Variants in NOX3 observed in about 807,000 individuals in gnomAD.
NOX3 encodes the protein NADPH oxidase 3.
NOX3 carries 74 observed loss-of-function variants against 76.7 expected under a neutral mutation model. The ratio of observed to expected loss-of-function variants is 0.96; its 90% CI spans 0.80 to 1.17. The LOEUF (loss-of-function observed/expected upper bound fraction) is 1.17, where lower values mean the gene tolerates loss of function less well. NOX3 is among the 50% of genes most tolerant of loss of function. The pLI, the probability that NOX3 is intolerant of heterozygous loss-of-function variation, is 0.00. For synonymous variants in NOX3, 263 were observed against 261.1 expected (o/e 1.01, Z -0.07); for missense variants, 695 against 703.3 (o/e 0.99, Z 0.13).
At chr6:155,421,461 G>T (rs1047259624) in intron 10 of NOX3, among the ~76,000 whole-genome samples, 1 of 152,196 alleles carries the variant, frequency 6.6e-6, no homozygotes, top group African/African-American at 2.4e-5. Context: ...TGCCTGGGAT[G>T]CTTCACAGAA....
intron 10 of NOX3, among the ~76,000 whole-genome samples, chr6:155,416,891 C>T (rs962801382): frequency 6.6e-5 from 10 of 151,892 alleles, no homozygotes; most frequent in African/African-American, 2.2e-4. Context: ...GCTGGGATTA[C>T]AGGCACCTGA....
chr6:155,409,607 T>C (rs553171531), intron 11 of NOX3, among the ~76,000 whole-genome samples: 2 of 152,332 alleles, frequency 1.3e-5, no homozygotes, highest in South Asian at 4.1e-4. Flanking sequence ...TTCTTGTCAT[T>C]TTGCCACTTT....
intron 1 of NOX3, among the ~76,000 whole-genome samples, chr6:155,455,351 T>C (rs890141969): frequency 4.6e-5 from 7 of 152,238 alleles, no homozygotes; most frequent in Non-Finnish European, 8.8e-5. Flanking sequence ...GAGTCAACTT[T>C]AAGTGATTTA....
At chr6:155,435,032 A>G (rs1684738030) in intron 7 of NOX3, among the ~76,000 whole-genome samples, 1 of 152,174 alleles carries the variant, frequency 6.6e-6, no homozygotes, top group South Asian at 2.1e-4. Context: ...TGCCTTTCGG[A>G]TTCAGTGTCT....
intron 10 of NOX3, among the ~76,000 whole-genome samples, chr6:155,417,404 T>C (rs891240832): frequency 6.6e-5 from 10 of 152,180 alleles, no homozygotes; most frequent in Admixed American, 6.5e-4. Context: ...TGTATTTCAT[T>C]GGACTCTTTT....
chr6:155,454,573 A>G (rs895301599), intron 3 of NOX3, among the ~76,000 whole-genome samples: 3 of 152,226 alleles, frequency 2.0e-5, no homozygotes, highest in African/African-American at 7.2e-5. Flanking sequence ...ATATATCAGG[A>G]AACTGTTTAG....
At chr6:155,406,735 G>A (rs772068538) in intron 12 of NOX3, among the ~76,000 whole-genome samples, 3 of 152,148 alleles carry the variant, frequency 2.0e-5, no homozygotes, top group South Asian at 2.1e-4. Context: ...ACCACCACCC[G>A]AAATCCCTGC....
rs1413954741 is a variant in NOX3, at chr6:155,455,079, C to G, written c.99G>C (p.Trp33Cys). 6.2e-7 allele frequency: 1 copy of G among 1,613,362 alleles called. No individual in the cohort carries two copies. Among genetic ancestry groups the G allele is most frequent in the African/African-American group, 1.3e-5 (1 of 74,918 alleles). ...NFYLFIDTFYWYEEEESFHYT... is the reference protein window; with the variant it reads ...NFYLFIDTFYCYEEEESFHYT... ...AATGGAAAGACTCCTCCTCTTCATA[C>G]CAGTAGAACGTGTCAATAAACAGAT... The change falls in exon 2 of 14, where the codon TGG (tryptophan) becomes TGC (cysteine). Residue 33 changes from tryptophan (W) to cysteine (C), a missense_variant. Trp to Cys is a radical substitution (Grantham distance 215, BLOSUM62 -2). Transcript: ENST00000159060.
At chr6:155,455,416 A>G (rs1468610862) in intron 1 of NOX3, among the ~76,000 whole-genome samples, 1 of 152,240 alleles carries the variant, frequency 6.6e-6, no homozygotes, top group Non-Finnish European at 1.5e-5. Flanking sequence ...GTCAAGAAGG[A>G]AGAAATCTTT....
chr6:155,422,765 G>C lies in NOX3; in HGVS notation c.1237C>G (p.Pro413Ala), dbSNP rs1245842500. The C allele has an allele frequency of 6.2e-7, 1 of 1,614,176 alleles. No homozygotes were observed. Among genetic ancestry groups the C allele is most frequent in the Non-Finnish European group, 8.5e-7 (1 of 1,180,024 alleles). ...ATAGATTTCAGAAGAGCAGCGAAGGGAGTGACTCCGATCCCCGCGGCAACG... is the reference window on the plus strand; with the variant it reads ...ATAGATTTCAGAAGAGCAGCGAAGGCAGTGACTCCGATCCCCGCGGCAACG... The part of the protein sequence containing the change: ...VCVAAGIGVT[P>A]FAALLKSIWY... The change falls in exon 10 of 14, where the codon CCC becomes GCC. Residue 413 changes from proline to alanine, a missense_variant. Coordinates refer to ENST00000159060, the MANE Select transcript of NOX3 (RefSeq NM_015718.3).
At chr6:155,402,866 C>A (rs1385630651) in intron 12 of NOX3, among the ~76,000 whole-genome samples, 1 of 152,130 alleles carries the variant, frequency 6.6e-6, no homozygotes, top group Non-Finnish European at 1.5e-5. Flanking sequence ...AACAAAGAAC[C>A]TTTTCTGAGG....
At chr6:155,429,916 C>T (rs1770776571) in intron 8 of NOX3, among the ~76,000 whole-genome samples, 3 of 152,194 alleles carry the variant, frequency 2.0e-5, no homozygotes, top group Admixed American at 2.0e-4. Context: ...TAAATGGTCT[C>T]CCTCGTAACA....
rs372011241 is a variant in NOX3, at chr6:155,407,896, G to A, written c.1456-642C>T. Among the ~76,000 whole-genome samples the A allele has an allele frequency of 1.7e-3, 255 of 152,308 alleles. 8 individuals carry two copies. In the South Asian group the frequency reaches 0.049, roughly 29 times the overall value. The stretch of plus-strand genomic sequence containing the variant: ...TGGAATTAAGCAACTCCATCCAGGC[G>A]TCATGTAGCTAGTGGTCAATAAATG... On this transcript the variant is annotated intron_variant, in intron 11 of 13. Transcript: ENST00000159060.
intron 6 of NOX3, among the ~76,000 whole-genome samples, chr6:155,438,919 C>G (rs1035806348): frequency 6.6e-6 from 1 of 152,220 alleles, no homozygotes; most frequent in Non-Finnish European, 1.5e-5. Flanking sequence ...TTGCTGGCCA[C>G]ATTCTTGCTG....
intron 11 of NOX3, among the ~76,000 whole-genome samples, chr6:155,409,438 C>T (rs1286613214): frequency 8.5e-5 from 13 of 152,094 alleles, no homozygotes. Flanking sequence ...ATTTCACACA[C>T]AAAAAGGGCC....
chr6:155,431,843 G>C (rs1016990823), intron 7 of NOX3, among the ~76,000 whole-genome samples: 1 of 152,192 alleles, frequency 6.6e-6, no homozygotes, highest in Non-Finnish European at 1.5e-5. Context: ...GTGTTTCGTA[G>C]AGATGTGAAC....
chr6:155,396,159 T>C (rs913750391), intron 13 of NOX3, among the ~76,000 whole-genome samples: 3 of 152,162 alleles, frequency 2.0e-5, no homozygotes, highest in Non-Finnish European at 1.5e-5. Flanking sequence ...AAATTTAGTA[T>C]TGTTTGGACC....
At chr6:155,439,149 G>T (rs887346334) in intron 6 of NOX3, among the ~76,000 whole-genome samples, 1 of 152,156 alleles carries the variant, frequency 6.6e-6, no homozygotes, top group African/African-American at 2.4e-5. Context: ...CAGGACTGTT[G>T]TGGGGGTCAA....
chr6:155,400,240 G>A (rs954492546), intron 12 of NOX3, among the ~76,000 whole-genome samples: 8 of 152,180 alleles, frequency 5.3e-5, no homozygotes, highest in Admixed American at 2.6e-4. Flanking sequence ...GGGTGCGCCC[G>A]GGAGTGATCC....
Sources: allele counts gnomAD v4.1 joint callset (sites outside exome capture counted in the v4.1 genomes callset), GRCh38; gene constraint gnomAD v4.1.1; transcripts MANE v1.5; gene names NCBI Gene and HGNC (gene_info 2026-07-23, HGNC 2026-07-21).